Variants in C3orf70 observed in about 807,000 individuals in gnomAD.
C3orf70 encodes the protein UPF0524 protein C3orf70.
A neutral mutation model predicts 20.7 loss-of-function variants in C3orf70; 15 were observed. That is an observed-to-expected ratio of 0.72 (90% CI 0.48 to 1.11). The LOEUF (loss-of-function observed/expected upper bound fraction) is 1.11, where lower values mean the gene tolerates loss of function less well. C3orf70 is among the 50% of genes most tolerant of loss of function. The probability of loss-of-function intolerance (pLI) is 0.00; values close to 1 mark genes in which losing one functional copy is unlikely to be tolerated. For synonymous variants in C3orf70, 161 were observed against 125.7 expected, an observed-to-expected ratio of 1.28 and a Z score of -1.88; for missense variants, 332 against 317.6, an observed-to-expected ratio of 1.05 and a Z score of -0.34.
At chr3:185,112,564 A>C (rs1716096150) in intron 1 of C3orf70, among the ~76,000 whole-genome samples, 1 of 152,246 alleles carries the variant, frequency 6.6e-6, no homozygotes, top group African/African-American at 2.4e-5. Flanking sequence ...GATAGGCTAA[A>C]AATTACACTT....
At chr3:185,141,715 A>C (rs1312678464) in intron 1 of C3orf70, among the ~76,000 whole-genome samples, 1 of 152,102 alleles carries the variant, frequency 6.6e-6, no homozygotes, top group Non-Finnish European at 1.5e-5. Context: ...GAAATGAAGA[A>C]TAGGTTAGTG....
intron 1 of C3orf70, among the ~76,000 whole-genome samples, chr3:185,084,739 CA>C (rs1280701544): frequency 6.6e-6 from 1 of 152,180 alleles, no homozygotes; most frequent in Non-Finnish European, 1.5e-5. Context: ...TTTCATTCAA[CA>C]TCTAGCAAAG....
intron 1 of C3orf70, among the ~76,000 whole-genome samples, chr3:185,114,978 G>GCT (rs757919219): frequency 5.9e-5 from 9 of 152,140 alleles, no homozygotes; most frequent in Non-Finnish European, 1.2e-4. Context: ...TCACTCAAAC[G>GCT]CTCTGGTTTA....
intron 1 of C3orf70, among the ~76,000 whole-genome samples, chr3:185,139,778 G>A (rs1236589467): frequency 6.6e-6 from 1 of 151,976 alleles, no homozygotes; most frequent in South Asian, 2.1e-4. Flanking sequence ...GACATCCATA[G>A]GCAAAGAAGT....
At chr3:185,121,931 CT>C (rs995235867) in intron 1 of C3orf70, among the ~76,000 whole-genome samples, 42 of 152,198 alleles carry the variant, frequency 2.8e-4, no homozygotes, top group African/African-American at 9.6e-4. Flanking sequence ...AACCCCATCT[CT>C]ACTAAAAATA....
At chr3:185,083,824 A>C (rs1209811482) in intron 1 of C3orf70, among the ~76,000 whole-genome samples, 1 of 152,232 alleles carries the variant, frequency 6.6e-6, no homozygotes, top group Non-Finnish European at 1.5e-5. Context: ...GTAGGTGGAT[A>C]GACACTATAA....
At chr3:185,109,549 A>G (rs1447401154) in intron 1 of C3orf70, among the ~76,000 whole-genome samples, 1 of 152,214 alleles carries the variant, frequency 6.6e-6, no homozygotes, top group Non-Finnish European at 1.5e-5. Flanking sequence ...ACAGATCAAA[A>G]AGCTGTCACA....
intron 1 of C3orf70, among the ~76,000 whole-genome samples, chr3:185,152,046 G>C (rs541799987): frequency 6.6e-6 from 1 of 152,272 alleles, no homozygotes; most frequent in South Asian, 2.1e-4. Flanking sequence ...TATTTAAGGA[G>C]CTCGACCTTC....
chr3:185,144,197 T>C (rs1026013351), intron 1 of C3orf70, among the ~76,000 whole-genome samples: 2 of 152,160 alleles, frequency 1.3e-5, no homozygotes, highest in South Asian at 2.1e-4. Flanking sequence ...GGGAAAACAA[T>C]TGCCGACTTT....
Position 185,093,533 on chromosome 3 carries a change from G to A in C3orf70, c.197-9970C>T, listed in dbSNP as rs1262420000. 2.6e-5 allele frequency among the ~76,000 whole-genome samples: 4 copies of A among 152,136 alleles called. No homozygotes were observed. The East Asian group carries it at 7.7e-4, about 29-fold the overall frequency. The stretch of plus-strand genomic sequence containing the variant: ...CCACCAGTGAACAACTAGGGGGAAA[G>A]AGAAGTGTAGAATGCATCCCCCTTA... On this transcript the variant is annotated intron_variant, in intron 1 of 1. Transcript: ENST00000335012.
intron 1 of C3orf70, among the ~76,000 whole-genome samples, chr3:185,146,825 G>C (rs1716886947): frequency 6.6e-6 from 1 of 152,124 alleles, no homozygotes; most frequent in Admixed American, 6.6e-5. Context: ...AAACAGAATA[G>C]AACAACACAA....
intron 1 of C3orf70, among the ~76,000 whole-genome samples, chr3:185,104,116 A>G (rs1715876663): frequency 1.3e-5 from 2 of 152,218 alleles, no homozygotes; most frequent in South Asian, 2.1e-4. Context: ...TAAAACGGCA[A>G]TCCACTCTGG....
At chr3:185,102,981 A>G (rs1350276096) in intron 1 of C3orf70, among the ~76,000 whole-genome samples, 1 of 152,184 alleles carries the variant, frequency 6.6e-6, no homozygotes, top group Non-Finnish European at 1.5e-5. Flanking sequence ...GCAGTGGCTC[A>G]TGCCTGTAAT....
intron 1 of C3orf70, among the ~76,000 whole-genome samples, chr3:185,132,639 AC>A (rs1716543584): frequency 6.6e-6 from 1 of 152,192 alleles, no homozygotes; most frequent in South Asian, 2.1e-4. Flanking sequence ...CAAAGTGAAA[AC>A]GTATAATACA....
chr3:185,136,310 A>T (rs1303782266), intron 1 of C3orf70, among the ~76,000 whole-genome samples: 1 of 152,224 alleles, frequency 6.6e-6, no homozygotes, highest in Non-Finnish European at 1.5e-5. Flanking sequence ...ATATCTGGCC[A>T]GGCATGGTGG....
In C3orf70 at chr3:185,122,288, T is replaced by C. The variant is rs74867076; in HGVS notation, c.196+30340A>G. ...CCAAGAACATATATAAGCCTAAATA[T>C]GTATAAACCTAACAATAGAGTCTCA... is the stretch of plus-strand genomic sequence containing the variant. On this transcript the variant is annotated intron_variant, in intron 1 of 1. Coordinates refer to ENST00000335012, the MANE Select transcript of C3orf70 (RefSeq NM_001025266.3). Among the ~76,000 whole-genome samples, 332 of 152,234 alleles carry C rather than the reference T, an allele frequency of 2.2e-3. 1 individual carries two copies. The highest frequency in any genetic ancestry group is 7.7e-3 in the African/African-American group (320 of 41,530).
At chr3:185,092,354 C>G (rs1715610245) in intron 1 of C3orf70, among the ~76,000 whole-genome samples, 1 of 152,136 alleles carries the variant, frequency 6.6e-6, no homozygotes, top group Admixed American at 6.5e-5. Context: ...AAGCCCAGGG[C>G]CCTCCCATTC....
At chr3:185,093,584 T>G (rs1416162262) in intron 1 of C3orf70, among the ~76,000 whole-genome samples, 1 of 151,818 alleles carries the variant, frequency 6.6e-6, no homozygotes, top group Non-Finnish European at 1.5e-5. Context: ...CACATAAACA[T>G]CCACGGACAC....
chr3:185,090,757 T>C (rs1240845438), intron 1 of C3orf70, among the ~76,000 whole-genome samples: 1 of 152,104 alleles, frequency 6.6e-6, no homozygotes, highest in Non-Finnish European at 1.5e-5. Flanking sequence ...GTATTTATTA[T>C]AGCCAATATT....
Sources: gnomAD v4.1 joint callset for allele counts (sites outside exome capture counted in the v4.1 genomes callset) on GRCh38, gnomAD v4.1.1 for gene constraint, MANE v1.5 for transcripts, NCBI Gene and HGNC (gene_info 2026-07-23, HGNC 2026-07-21) for gene names.